SMOC2: variants seen among roughly 807,000 people sequenced by gnomAD.
SMOC2 encodes the protein SPARC-related modular calcium-binding protein 2.
SMOC2 carries 39 observed loss-of-function variants against 61.4 expected under a neutral mutation model. The ratio of observed to expected loss-of-function variants is 0.64; its 90% CI spans 0.49 to 0.83. The LOEUF (loss-of-function observed/expected upper bound fraction) is 0.83. Among genes scored for constraint, SMOC2 ranks in the 40% least tolerant of loss-of-function variants. The probability of loss-of-function intolerance (pLI) is 0.00; values close to 1 mark genes in which losing one functional copy is unlikely to be tolerated. For missense variants in SMOC2, 556 were observed against 592.9 expected, an observed-to-expected ratio of 0.94 and a Z score of 0.65; for synonymous variants, 247 against 239.9, an observed-to-expected ratio of 1.03 and a Z score of -0.27.
chr6:168,609,107 G>A (rs1383452477), intron 9 of SMOC2, among the ~76,000 whole-genome samples: 1 of 152,252 alleles, frequency 6.6e-6, no homozygotes, highest in African/African-American at 2.4e-5. Flanking sequence ...ATGTTTCATT[G>A]CTACGTGTTC....
intron 1 of SMOC2, among the ~76,000 whole-genome samples, chr6:168,486,068 T>TGTATG (rs1782325422): frequency 6.6e-6 from 1 of 152,202 alleles, no homozygotes. Flanking sequence ...ACGGTTCCTG[T>TGTATG]GTATGGTATC....
intron 9 of SMOC2, among the ~76,000 whole-genome samples, chr6:168,617,837 C>A (rs901986792): frequency 6.6e-6 from 1 of 152,190 alleles, no homozygotes; most frequent in Non-Finnish European, 1.5e-5. Flanking sequence ...TTCTTCTCTC[C>A]GCCATGCATG....
intron 1 of SMOC2, among the ~76,000 whole-genome samples, chr6:168,458,638 G>T (rs1781648034): frequency 6.6e-6 from 1 of 152,092 alleles, no homozygotes; most frequent in South Asian, 2.1e-4. Flanking sequence ...GGCTCCCAGG[G>T]TCCTGGGCCA....
intron 2 of SMOC2, among the ~76,000 whole-genome samples, chr6:168,512,771 A>G (rs1337159848): frequency 6.6e-6 from 1 of 152,084 alleles, no homozygotes; most frequent in East Asian, 1.9e-4. Context: ...ACTCTGGAAA[A>G]CCACTTTCTA....
chr6:168,599,167 GCT>G (rs1325707602), intron 8 of SMOC2, among the ~76,000 whole-genome samples, 163 bp downstream of exon 8: 12 of 98,900 alleles, frequency 1.2e-4, no homozygotes, highest in Middle Eastern at 8.9e-3. Context: ...ACACACCCAC[GCT>G]CTCACACACA....
At chr6:168,599,760 T>TCC (rs140201296) in intron 8 of SMOC2, among the ~76,000 whole-genome samples, 1 of 71,892 alleles carries the variant, frequency 1.4e-5, no homozygotes. Context: ...ACTCATACAA[T>TCC]CCCCCAAACA....
chr6:168,508,039 G>T (rs566535837), intron 1 of SMOC2, among the ~76,000 whole-genome samples: 2 of 152,210 alleles, frequency 1.3e-5, no homozygotes, highest in South Asian at 2.1e-4. Flanking sequence ...CGGTCCTCAG[G>T]TCAGGAGCTC....
At chr6:168,604,036 G>C (rs917102974) in intron 8 of SMOC2, among the ~76,000 whole-genome samples, 10 of 152,248 alleles carry the variant, frequency 6.6e-5, no homozygotes, top group Non-Finnish European at 1.5e-4. Flanking sequence ...AGCAGGCTCA[G>C]CCTCCATTGA....
chr6:168,488,535 G>A (rs117602314), intron 1 of SMOC2, among the ~76,000 whole-genome samples: 6,396 of 152,302 alleles, frequency 0.042, 206 homozygotes, highest in South Asian at 0.16. Flanking sequence ...TGCAGGGTGC[G>A]TCCATCTGCT....
At chr6:168,523,538 C>T (rs1253853299) in intron 2 of SMOC2, among the ~76,000 whole-genome samples, 3 of 143,796 alleles carry the variant, frequency 2.1e-5, no homozygotes, top group Non-Finnish European at 4.6e-5. Flanking sequence ...CAGGCGCCTG[C>T]CACCATGCCT....
At chr6:168,558,548 A>G (rs1784304699) in intron 7 of SMOC2, among the ~76,000 whole-genome samples, 1 of 152,096 alleles carries the variant, frequency 6.6e-6, no homozygotes, top group Non-Finnish European at 1.5e-5. Context: ...CATTTTACCT[A>G]TCTGGGTTTC....
At chr6:168,444,748 A>C (rs1156555881) in intron 1 of SMOC2, among the ~76,000 whole-genome samples, 7 of 152,182 alleles carry the variant, frequency 4.6e-5, no homozygotes, top group African/African-American at 1.7e-4. Context: ...TATTACACAT[A>C]ATTCTGTTTT....
chr6:168,462,277 T>G (rs1781734666), intron 1 of SMOC2, among the ~76,000 whole-genome samples: 1 of 152,188 alleles, frequency 6.6e-6, no homozygotes, highest in African/African-American at 2.4e-5. Flanking sequence ...ATTCTGAAGT[T>G]CATGCTAAGC....
intron 1 of SMOC2, among the ~76,000 whole-genome samples, chr6:168,489,972 T>C (rs947263441): frequency 6.6e-6 from 1 of 151,862 alleles, no homozygotes; most frequent in Non-Finnish European, 1.5e-5. Flanking sequence ...GATCACACTG[T>C]TTTAGAGGGA....
intron 4 of SMOC2, among the ~76,000 whole-genome samples, chr6:168,541,791 G>A (rs1230190999): frequency 6.6e-6 from 1 of 152,202 alleles, no homozygotes; most frequent in Admixed American, 6.5e-5. Flanking sequence ...TTAACTTTGT[G>A]TGGACTTATT....
chr6:168,522,832 T>C (rs1783360141), intron 2 of SMOC2, among the ~76,000 whole-genome samples: 1 of 152,074 alleles, frequency 6.6e-6, no homozygotes, highest in Admixed American at 6.5e-5. Context: ...GTGATTGCAT[T>C]GATAGGAAAT....
intron 1 of SMOC2, among the ~76,000 whole-genome samples, chr6:168,477,932 G>A (rs1782127392): frequency 6.6e-6 from 1 of 152,152 alleles, no homozygotes; most frequent in African/African-American, 2.4e-5. Flanking sequence ...TGGGATTACT[G>A]TCCCTAGCTT....
In SMOC2 at chr6:168,535,561, T is replaced by A. The variant is rs186296629; in HGVS notation, c.463+7834T>A. ...CACCTCAAATCAGGAATCCCAACTG[T>A]TTAAAGGCAGAATCACTAGGATAGA... is the stretch of plus-strand genomic sequence containing the variant. On this transcript the variant is annotated intron_variant, in intron 4 of 12. Transcript: ENST00000356284. The surrounding 1 kb of genome is among the most constrained non-coding windows in gnomAD (Gnocchi z 4.6). 3.0e-4 allele frequency among the ~76,000 whole-genome samples: 45 copies of A among 152,262 alleles called. No individual in the cohort carries two copies. The East Asian group carries it at 5.0e-3, about 17-fold the overall frequency.
intron 8 of SMOC2, among the ~76,000 whole-genome samples, chr6:168,599,581 A>ACACACACCCACACACACACCCC (rs138811685): frequency 9.5e-5 from 3 of 31,626 alleles, no homozygotes; most frequent in African/African-American, 1.8e-4. Context: ...CACTCATACC[A>ACACACACCCACACACACACCCC]CACACACCCA....
Sources: allele counts gnomAD v4.1 joint callset (sites outside exome capture counted in the v4.1 genomes callset), GRCh38; gene constraint gnomAD v4.1.1; non-coding constraint Gnocchi (gnomAD v3.1); transcripts MANE v1.5; gene names NCBI Gene and HGNC (gene_info 2026-07-23, HGNC 2026-07-21).